Variants in FAR2 observed in about 807,000 individuals in gnomAD.
FAR2 encodes epididymis secretory protein Li 81.
Under a neutral mutation model 56.0 loss-of-function variants are expected in FAR2, and 19 were observed. The ratio of observed to expected loss-of-function variants is 0.34; its 90% CI spans 0.24 to 0.50. FAR2 has a LOEUF of 0.50. FAR2 is among the 20% of genes least tolerant of loss of function. The pLI is 0.98. For synonymous variants in FAR2, 219 were observed against 218.8 expected (o/e 1.00, Z -0.01); for missense variants, 508 against 642.2 (o/e 0.79, Z 2.26).
At chr12:29,240,642 G>A (rs1948013880) in intron 1 of FAR2, among the ~76,000 whole-genome samples, 1 of 152,072 alleles carries the variant, frequency 6.6e-6, no homozygotes, top group African/African-American at 2.4e-5. Flanking sequence ...TCTCTGGAAT[G>A]TAGTCAGGCA....
At chr12:29,231,705 G>A (rs1322790704) in intron 1 of FAR2, among the ~76,000 whole-genome samples, 1 of 152,198 alleles carries the variant, frequency 6.6e-6, no homozygotes, top group Non-Finnish European at 1.5e-5. Context: ...TCTATACGAA[G>A]AGGAACAGCT....
At chr12:29,303,700 T>TA (rs1406100780) in intron 4 of FAR2, among the ~76,000 whole-genome samples, 1 of 152,166 alleles carries the variant, frequency 6.6e-6, no homozygotes, top group African/African-American at 2.4e-5. Flanking sequence ...TTGTTAACAC[T>TA]AAAAAAGCTG....
intron 1 of FAR2, among the ~76,000 whole-genome samples, chr12:29,213,915 T>G (rs1212616562): frequency 1.3e-5 from 2 of 152,306 alleles, no homozygotes; most frequent in Non-Finnish European, 2.9e-5. Context: ...GGAAGGAGTC[T>G]GATTAGAACC....
In FAR2 at chr12:29,241,131, G is replaced by A. The variant is rs559043262; in HGVS notation, c.-38-29281G>A. 6.6e-5 allele frequency among the ~76,000 whole-genome samples: 10 copies of A among 152,244 alleles called. No individual in the cohort carries two copies. In the South Asian group the frequency reaches 1.9e-3, roughly 28 times the overall value. ...CATTGTGTATTTAAAAGCTAGTATT[G>A]AAAGTGCCACTCTGAATGTGTACTA... On this transcript the variant is annotated intron_variant, in intron 1 of 11. Coordinates refer to ENST00000536681, the MANE Select transcript of FAR2 (RefSeq NM_001271783.2).
At chr12:29,253,192 TA>T (rs1948242853) in intron 1 of FAR2, among the ~76,000 whole-genome samples, 1 of 148,822 alleles carries the variant, frequency 6.7e-6, no homozygotes, top group Non-Finnish European at 1.5e-5. Context: ...TCTCTCTATC[TA>T]TCTATCTAGA....
intron 5 of FAR2, 148 bp from the exon 6 acceptor site, chr12:29,309,038 T>G: frequency 1.5e-6 from 1 of 668,774 alleles, no homozygotes; most frequent in Non-Finnish European, 2.6e-6. Flanking sequence ...CATTATCTTT[T>G]GAGATCTTAA....
At chr12:29,260,295 ATC>A (rs1301390045) in intron 1 of FAR2, among the ~76,000 whole-genome samples, 2 of 152,200 alleles carry the variant, frequency 1.3e-5, no homozygotes, top group African/African-American at 4.8e-5. Flanking sequence ...TAGAAGAAAC[ATC>A]TCTGATGCAG....
chr12:29,159,153 T>C lies in FAR2; in HGVS notation c.-39+9746T>C, dbSNP rs1371113940. On this transcript the variant is annotated intron_variant, in intron 1 of 11. Transcript: ENST00000536681. ...TACCCAATGTGTAAATATACAATGCTCATATATCTTTATTTTCCCTTCTTC... is the reference window on the plus strand; with the variant it reads ...TACCCAATGTGTAAATATACAATGCCCATATATCTTTATTTTCCCTTCTTC... Among the ~76,000 whole-genome samples, 3 of 152,158 alleles carry C rather than the reference T, an allele frequency of 2.0e-5. No homozygotes were observed. The East Asian group carries it at 5.8e-4, about 29-fold the overall frequency.
intron 2 of FAR2, among the ~76,000 whole-genome samples, chr12:29,274,408 G>A (rs1358593415): frequency 6.6e-6 from 1 of 152,022 alleles, no homozygotes; most frequent in Non-Finnish European, 1.5e-5. Context: ...ATTCCATGAT[G>A]TATATGTGCC....
chr12:29,160,697 G>C (rs924106), intron 1 of FAR2, among the ~76,000 whole-genome samples: 12,024 of 152,212 alleles, frequency 0.079, 617 homozygotes, highest in Non-Finnish European at 0.13. Context: ...AGAGCTGTGA[G>C]GGAAGGATCT....
chr12:29,229,866 G>C (rs1472944366), intron 1 of FAR2, among the ~76,000 whole-genome samples: 4 of 152,144 alleles, frequency 2.6e-5, no homozygotes, highest in African/African-American at 9.7e-5. Context: ...GTGACTCTTA[G>C]ACTGACATCT....
At chr12:29,317,106 A>G (rs1321233730) in intron 9 of FAR2, 94 bp downstream of exon 9, 1 of 1,330,730 alleles carries the variant, frequency 7.5e-7, no homozygotes, top group Non-Finnish European at 1.0e-6. Context: ...GGATTAAAGG[A>G]GACAACTGAA....
Position 29,309,238 on chromosome 12 carries a change from T to C in FAR2, c.768+8T>C, listed in dbSNP as rs1383894002. On this transcript the variant is annotated splice_region_variant and intron_variant, in intron 6 of 11. Transcript: ENST00000536681. ...AATGGAATCATTATTGCGGTATGTA[T>C]AATGATGAAGAAATAACTCCCTGAA... 21 of 1,590,588 alleles carry C rather than the reference T, an allele frequency of 1.3e-5. No homozygotes were observed. The highest frequency in any genetic ancestry group is 1.8e-5 in the Non-Finnish European group (21 of 1,161,628).
rs536224410 is a variant in FAR2 at position 29,179,808 on chromosome 12, T to A, written c.-39+30401T>A. Among the ~76,000 whole-genome samples the A allele has an allele frequency of 8.3e-4, 126 of 152,292 alleles. 1 individual carries two copies. The highest frequency in any genetic ancestry group is 2.9e-3 in the African/African-American group (119 of 41,554). Reference sequence around the variant, plus strand: ...CAGTTGTAAGCTGTGATTCTACTAGTCAGGTATTATAGAAGGGACCACCGT... The same window carrying A: ...CAGTTGTAAGCTGTGATTCTACTAGACAGGTATTATAGAAGGGACCACCGT... On this transcript the variant is annotated intron_variant, in intron 1 of 11. Coordinates refer to ENST00000536681, the MANE Select transcript of FAR2 (RefSeq NM_001271783.2).
At chr12:29,259,015 ATAAAG>A (rs1355339484) in intron 1 of FAR2, among the ~76,000 whole-genome samples, 3 of 152,230 alleles carry the variant, frequency 2.0e-5, no homozygotes, top group African/African-American at 4.8e-5. Flanking sequence ...ATGATTTATC[ATAAAG>A]TAGAGATTGG....
chr12:29,283,998 G>A (rs1485482833), intron 2 of FAR2, among the ~76,000 whole-genome samples: 1 of 152,174 alleles, frequency 6.6e-6, no homozygotes, highest in African/African-American at 2.4e-5. Context: ...AAAGCATTTC[G>A]AGTTTCCTAG....
intron 10 of FAR2, among the ~76,000 whole-genome samples, chr12:29,323,497 C>T (rs190745042): frequency 6.6e-5 from 10 of 152,354 alleles, no homozygotes; most frequent in South Asian, 2.1e-4. Flanking sequence ...AGGCACCCCC[C>T]AGTAGGGGCG....
intron 9 of FAR2, among the ~76,000 whole-genome samples, chr12:29,320,821 T>A (rs946400484): frequency 6.6e-6 from 1 of 152,214 alleles, no homozygotes; most frequent in Non-Finnish European, 1.5e-5. Context: ...ACAAAGAAGA[T>A]CTGGTCCAAG....
intron 4 of FAR2, among the ~76,000 whole-genome samples, chr12:29,298,548 A>C (rs1377077018): frequency 6.6e-6 from 1 of 152,218 alleles, no homozygotes. Context: ...AGTCATCTAA[A>C]GGATCTGGAG....
Sources: allele counts gnomAD v4.1 joint callset (sites outside exome capture counted in the v4.1 genomes callset), GRCh38; gene constraint gnomAD v4.1.1; transcripts MANE v1.5; gene names NCBI Gene and HGNC (gene_info 2026-07-23, HGNC 2026-07-21).